Variants in LRFN2 observed in about 807,000 individuals in gnomAD.
LRFN2 encodes the protein leucine rich repeat and fibronectin type III domain containing 2, also known as leucine-rich repeat and fibronectin type-III domain-containing protein 2.
Under a neutral mutation model 37.3 loss-of-function variants are expected in LRFN2, and 18 were observed. The observed-to-expected ratio is 0.48, with a 90% CI of 0.33 to 0.72. The LOEUF is 0.72. LRFN2 is among the 30% of genes least tolerant of loss of function. LRFN2 has a pLI of 0.02. For missense variants in LRFN2, 1,006 were observed against 1,060.7 expected (o/e 0.95, Z 0.72); for synonymous variants, 556 against 466.6 (o/e 1.19, Z -2.47).
chr6:40,488,687 T>G (rs538309097), intron 1 of LRFN2, among the ~76,000 whole-genome samples: 142 of 152,272 alleles, frequency 9.3e-4, no homozygotes, highest in Middle Eastern at 3.4e-3. Context: ...CCCTCCATGA[T>G]CCCTACAACC....
chr6:40,415,903 A>G (rs1206561484), intron 2 of LRFN2, among the ~76,000 whole-genome samples: 2 of 152,240 alleles, frequency 1.3e-5, no homozygotes, highest in African/African-American at 2.4e-5. Flanking sequence ...AATTAACTGA[A>G]CATATTACAG....
chr6:40,477,002 A>G (rs1561871374), intron 1 of LRFN2, among the ~76,000 whole-genome samples: 1 of 152,214 alleles, frequency 6.6e-6, no homozygotes. Context: ...TCCTTTAATT[A>G]AACTCACCTT....
chr6:40,432,315 A>G lies in LRFN2; in HGVS notation c.799T>C (p.Ser267Pro). Residue 267 changes from serine to proline, a missense_variant, in exon 2 of 3, where the codon TCC becomes CCC. By Grantham distance (74) the Ser-to-Pro change is moderately conservative. Transcript: ENST00000338305. ...TAGCGACCCTTGAGGCCCCCTGGGG[A>G]GCCACAGGTTTCCAGGTCATCGTCC... ...ERDDDLETCGSPGGLKGRYFW... is the reference protein window; with the variant it reads ...ERDDDLETCGPPGGLKGRYFW... 1 of 1,614,100 alleles carries G rather than the reference A, an allele frequency of 6.2e-7. No individual in the cohort carries two copies. The highest frequency in any genetic ancestry group is 8.5e-7 in the Non-Finnish European group (1 of 1,180,038).
At chr6:40,505,117 C>T (rs1200220233) in intron 1 of LRFN2, among the ~76,000 whole-genome samples, 1 of 152,146 alleles carries the variant, frequency 6.6e-6, no homozygotes, top group African/African-American at 2.4e-5. Context: ...TGCACGGGCC[C>T]TGTGTGGCAG....
chr6:40,486,264 G>T (rs916660519), intron 1 of LRFN2, among the ~76,000 whole-genome samples: 2 of 152,080 alleles, frequency 1.3e-5, no homozygotes, highest in Non-Finnish European at 2.9e-5. Context: ...ATAGTGTGCC[G>T]TCCACAGAGG....
At chr6:40,435,696 A>T (rs1482183172) in intron 1 of LRFN2, among the ~76,000 whole-genome samples, 2 of 151,734 alleles carry the variant, frequency 1.3e-5, no homozygotes, top group Non-Finnish European at 2.9e-5. Flanking sequence ...CCGCCACCAC[A>T]CCCGGCTAAT....
intron 1 of LRFN2, among the ~76,000 whole-genome samples, chr6:40,460,947 G>A (rs1426363732): frequency 6.6e-6 from 1 of 152,198 alleles, no homozygotes; most frequent in African/African-American, 2.4e-5. Context: ...GAACAACTAG[G>A]GGAGAGGGTA....
At chr6:40,585,645 C>G (rs1417829947) in intron 1 of LRFN2, among the ~76,000 whole-genome samples, 1 of 152,156 alleles carries the variant, frequency 6.6e-6, no homozygotes, top group Non-Finnish European at 1.5e-5. Context: ...ACAAGAATAA[C>G]AGCCCACATA....
intron 1 of LRFN2, among the ~76,000 whole-genome samples, chr6:40,563,976 C>T (rs930159081): frequency 2.6e-5 from 4 of 152,170 alleles, no homozygotes; most frequent in Non-Finnish European, 5.9e-5. Flanking sequence ...AACCGTGGTC[C>T]AGGCACTGGG....
intron 1 of LRFN2, among the ~76,000 whole-genome samples, chr6:40,499,016 T>A (rs765412205): frequency 6.6e-6 from 1 of 152,036 alleles, no homozygotes; most frequent in Non-Finnish European, 1.5e-5. Flanking sequence ...CACAAACCAC[T>A]TATACACACG....
At chr6:40,575,109 A>G (rs1357692213) in intron 1 of LRFN2, among the ~76,000 whole-genome samples, 1 of 151,934 alleles carries the variant, frequency 6.6e-6, no homozygotes, top group African/African-American at 2.4e-5. Context: ...TCTACACAAG[A>G]CCCAGTCACC....
intron 1 of LRFN2, among the ~76,000 whole-genome samples, chr6:40,494,534 G>A (rs1413103364): frequency 6.6e-6 from 1 of 152,102 alleles, no homozygotes; most frequent in Admixed American, 6.5e-5. Context: ...CTAGGCACTT[G>A]GCTCCCTGTC....
At chr6:40,553,477 AC>A (rs1766814796) in intron 1 of LRFN2, among the ~76,000 whole-genome samples, 1 of 152,134 alleles carries the variant, frequency 6.6e-6, no homozygotes, top group African/African-American at 2.4e-5. Context: ...CTGAGCAAAC[AC>A]CAAGTTCAGG....
intron 1 of LRFN2, among the ~76,000 whole-genome samples, chr6:40,443,727 A>C (rs1429276763): frequency 6.6e-6 from 1 of 152,180 alleles, no homozygotes; most frequent in East Asian, 1.9e-4. Context: ...CAGCAGCTGA[A>C]GGATGTTTGA....
At chr6:40,577,251 G>A (rs35478927) in intron 1 of LRFN2, among the ~76,000 whole-genome samples, 77,202 of 150,972 alleles carry the variant, frequency 0.51, 20,094 homozygotes, top group Middle Eastern at 0.6. Flanking sequence ...ACAGGCACGC[G>A]CGGCCATGTC....
At chr6:40,504,248 A>C (rs73732702) in intron 1 of LRFN2, among the ~76,000 whole-genome samples, 3,619 of 152,316 alleles carry the variant, frequency 0.024, 156 homozygotes, top group African/African-American at 0.08. Flanking sequence ...GGATTCAGTC[A>C]CTTAGTAGCT....
chr6:40,427,010 A>G (rs1763368885), intron 2 of LRFN2, among the ~76,000 whole-genome samples: 1 of 152,212 alleles, frequency 6.6e-6, no homozygotes, highest in Non-Finnish European at 1.5e-5. Context: ...CTCAAGATCA[A>G]CTACAACTCT....
At chr6:40,453,081 C>T (rs1235796205) in intron 1 of LRFN2, among the ~76,000 whole-genome samples, 2 of 152,182 alleles carry the variant, frequency 1.3e-5, no homozygotes, top group Non-Finnish European at 2.9e-5. Flanking sequence ...CTATGGCACC[C>T]TGCTTCAGGC....
intron 1 of LRFN2, among the ~76,000 whole-genome samples, chr6:40,583,726 C>A (rs907019062): frequency 6.6e-6 from 1 of 152,138 alleles, no homozygotes; most frequent in Non-Finnish European, 1.5e-5. Flanking sequence ...GTATCCCTCC[C>A]GCTACTACAC....
Sources: allele counts gnomAD v4.1 joint callset (sites outside exome capture counted in the v4.1 genomes callset), GRCh38; gene constraint gnomAD v4.1.1; transcripts MANE v1.5; gene names NCBI Gene and HGNC (gene_info 2026-07-23, HGNC 2026-07-21).